The following C12orf42 variants were observed in gnomAD, a reference collection of about 807,000 sequenced individuals.
The protein encoded by C12orf42 is uncharacterized protein C12orf42.
In C12orf42, 25 loss-of-function variants were observed where a neutral mutation model predicts 21.6. That is an observed-to-expected ratio of 1.16 (90% CI 0.84 to 1.62). The LOEUF (loss-of-function observed/expected upper bound fraction) is 1.62. Ranked by LOEUF, C12orf42 falls within the 40% of genes most tolerant of loss-of-function variation. The pLI, the probability that C12orf42 is intolerant of heterozygous loss-of-function variation, is 0.00. For missense variants in C12orf42, 483 were observed against 459.3 expected (o/e 1.05, Z -0.47); for synonymous variants, 174 against 175.0 (o/e 0.99, Z 0.05).
chr12:103,554,641 G>A, the C12orf42 span, among the ~76,000 whole-genome samples: 1 of 151,956 alleles, frequency 6.6e-6, no homozygotes, highest in Non-Finnish European at 1.5e-5. Flanking sequence ...TGCTTCTGAA[G>A]AGGCCCCAGA....
the C12orf42 span, among the ~76,000 whole-genome samples, chr12:103,121,805 C>G: frequency 2.6e-5 from 4 of 152,184 alleles, no homozygotes; most frequent in African/African-American, 9.7e-5. Context: ...TTATCTATAT[C>G]ACTGTATTTT....
chr12:103,340,195 G>T (rs1411393936), intron 4 of C12orf42, among the ~76,000 whole-genome samples: 1 of 152,202 alleles, frequency 6.6e-6, no homozygotes, highest in East Asian at 1.9e-4. Context: ...GCGCTAAAGA[G>T]AGTGAGTTCT....
intron 2 of C12orf42, among the ~76,000 whole-genome samples, chr12:103,443,502 T>C (rs770759834): frequency 6.6e-6 from 1 of 152,098 alleles, no homozygotes; most frequent in South Asian, 2.1e-4. Context: ...TTGGAGACTA[T>C]TGTGAATGGA....
chr12:103,355,938 C>T (rs1244652493), intron 4 of C12orf42, among the ~76,000 whole-genome samples: 1 of 152,034 alleles, frequency 6.6e-6, no homozygotes, highest in Non-Finnish European at 1.5e-5. Flanking sequence ...GTTTCAAGGA[C>T]TTTAACTATA....
At chr12:103,500,263 A>G (rs531447463), upstream of C12orf42, among the ~76,000 whole-genome samples, 5 of 152,348 alleles carry the variant, frequency 3.3e-5, no homozygotes, top group South Asian at 1.0e-3. Context: ...CATGTTTGAA[A>G]GATATCTAAT....
At chr12:103,084,437 G>A in the C12orf42 span, among the ~76,000 whole-genome samples, 1 of 152,128 alleles carries the variant, frequency 6.6e-6, no homozygotes, top group Non-Finnish European at 1.5e-5. Flanking sequence ...TGTACAGAAT[G>A]TGCAGGTTTG....
chr12:103,068,932 C>CATATAT, the C12orf42 span, among the ~76,000 whole-genome samples: 9 of 48,210 alleles, frequency 1.9e-4, no homozygotes, highest in Admixed American at 3.2e-4. Flanking sequence ...TCTCTCTCTC[C>CATATAT]ACATATATAT....
the C12orf42 span, among the ~76,000 whole-genome samples, chr12:103,174,910 T>C: frequency 3.3e-5 from 5 of 152,176 alleles, no homozygotes; most frequent in Non-Finnish European, 5.9e-5. Flanking sequence ...TTACTGATAG[T>C]TACTTCATGT....
intron 5 of C12orf42, among the ~76,000 whole-genome samples, chr12:103,273,023 G>C (rs1004023809): frequency 6.6e-5 from 10 of 152,194 alleles, no homozygotes; most frequent in African/African-American, 2.4e-4. Context: ...TGCTACCTGT[G>C]TGTTCCCTCA....
chr12:103,482,937 G>T (rs1363471209), intron 1 of C12orf42, among the ~76,000 whole-genome samples: 3 of 151,832 alleles, frequency 2.0e-5, no homozygotes, highest in Admixed American at 1.3e-4. Flanking sequence ...ATTTCTATAA[G>T]TTTATTTTTA....
rs1555203975 is a variant in C12orf42 at position 103,449,128 on chromosome 12, T to TAGATAGAC, written c.78+29220_78+29221insGTCTATCT. On this transcript the variant is annotated intron_variant, in intron 2 of 5. Coordinates refer to ENST00000548883, the MANE Select transcript of C12orf42 (RefSeq NM_198521.5). ...ATAGATAGATAGATAGATAGATAGATAGACAGACACCATGGAATACTACGC... is the reference window on the plus strand; with the variant it reads ...ATAGATAGATAGATAGATAGATAGATAGATAGACAGACAGACACCATGGAATACTACGC... Among the ~76,000 whole-genome samples the TAGATAGAC allele has an allele frequency of 6.6e-3, 988 of 148,696 alleles. 48 individuals are homozygous for TAGATAGAC. Among genetic ancestry groups the TAGATAGAC allele is most frequent in the East Asian group, 0.02 (98 of 4,976 alleles).
chr12:103,139,695 G>A, the C12orf42 span, among the ~76,000 whole-genome samples: 2 of 152,178 alleles, frequency 1.3e-5, no homozygotes, highest in African/African-American at 4.8e-5. Context: ...GCTGGAGATG[G>A]CACTGGGTGG....
chr12:103,249,371 A>C (rs780570308), intron 10 of C12orf42, among the ~76,000 whole-genome samples: 3 of 152,116 alleles, frequency 2.0e-5, no homozygotes, highest in Non-Finnish European at 4.4e-5. Flanking sequence ...AAAATAAATA[A>C]AGCTGACAAT....
At chr12:103,053,514 C>T in the C12orf42 span, among the ~76,000 whole-genome samples, 1 of 151,896 alleles carries the variant, frequency 6.6e-6, no homozygotes, top group Non-Finnish European at 1.5e-5. Flanking sequence ...TTCTCAAATA[C>T]ATGGTTTACA....
rs563747095 is a variant in C12orf42, at chr12:103,316,097, TAC to T, written c.260-9754_260-9753del. Among the ~76,000 whole-genome samples the T allele has an allele frequency of 2.5e-3, 382 of 150,300 alleles. 2 individuals carry two copies. Among genetic ancestry groups the T allele is most frequent in the African/African-American group, 4.1e-3 (168 of 41,042 alleles). On this transcript the variant is annotated intron_variant, in intron 4 of 5. Transcript: ENST00000548883. ...TACTATATAGTACTGTATATATATA[TAC>T]ACACACAGTATATATATACACACAC...
chr12:103,375,181 A>G (rs2045591105), intron 3 of C12orf42, among the ~76,000 whole-genome samples: 1 of 152,236 alleles, frequency 6.6e-6, no homozygotes, highest in Non-Finnish European at 1.5e-5. Flanking sequence ...AGACTTGAAA[A>G]TTATAGGAAA....
chr12:103,095,675 T>A, the C12orf42 span, among the ~76,000 whole-genome samples: 2 of 152,204 alleles, frequency 1.3e-5, no homozygotes, highest in Non-Finnish European at 2.9e-5. Context: ...AGAACAAAAT[T>A]TCCACGGAGG....
At chr12:103,185,936 T>C in the C12orf42 span, among the ~76,000 whole-genome samples, 4 of 152,178 alleles carry the variant, frequency 2.6e-5, no homozygotes, top group East Asian at 7.7e-4. Context: ...AACATGTCCC[T>C]TGAGAAACAG....
intron 4 of C12orf42, among the ~76,000 whole-genome samples, chr12:103,344,045 G>A (rs924359990): frequency 6.6e-6 from 1 of 152,176 alleles, no homozygotes; most frequent in African/African-American, 2.4e-5. Flanking sequence ...CAGACAAGAA[G>A]CAGTAGCCAA....
Sources: gnomAD v4.1 joint callset for allele counts (sites outside exome capture counted in the v4.1 genomes callset) on GRCh38, gnomAD v4.1.1 for gene constraint, MANE v1.5 for transcripts, NCBI Gene and HGNC (gene_info 2026-07-23, HGNC 2026-07-21) for gene names.